The following TOP1 variants were observed in gnomAD, a reference collection of about 807,000 sequenced individuals.
TOP1 encodes the protein DNA topoisomerase 1.
TOP1 carries 10 observed loss-of-function variants against 111.1 expected under a neutral mutation model. The observed-to-expected ratio is 0.09, with a 90% CI of 0.06 to 0.15. TOP1 has a LOEUF of 0.15. Among genes scored for constraint, TOP1 ranks in the 10% least tolerant of loss-of-function variants. The probability of loss-of-function intolerance (pLI) is 1.00; values close to 1 mark genes in which losing one functional copy is unlikely to be tolerated. For synonymous variants in TOP1, 271 were observed against 302.9 expected (o/e 0.89, Z 1.10); for missense variants, 474 against 926.7 (o/e 0.51, Z 6.34).
At chr20:41,031,955 A>C (rs565975456) in intron 2 of TOP1, among the ~76,000 whole-genome samples, 1 of 152,330 alleles carries the variant, frequency 6.6e-6, no homozygotes, top group East Asian at 1.9e-4. Flanking sequence ...TTCTTTGTGA[A>C]TATTGTCTGG....
At chr20:41,060,315 G>A (rs2033529020) in intron 2 of TOP1, among the ~76,000 whole-genome samples, 2 of 152,170 alleles carry the variant, frequency 1.3e-5, no homozygotes, top group Admixed American at 6.5e-5. Flanking sequence ...ACACCACTCA[G>A]CAATAAAATG....
chr20:41,072,792 AAC>A, intron 3 of TOP1: 1 of 985,422 alleles, frequency 1.0e-6, no homozygotes, highest in Non-Finnish European at 1.2e-6. Context: ...CCAAATTTCT[AAC>A]AGTCTCCAAT....
chr20:41,110,898 T>C lies in TOP1; in HGVS notation c.1309-1884T>C, dbSNP rs2034226881. ...TTCTTGGAGGCCAGCCATCTCCTGC[T>C]GGATCTAAGCGGGGTGGCTTCTGCC... is the stretch of plus-strand genomic sequence containing the variant. On this transcript the variant is annotated intron_variant, in intron 13 of 20. Coordinates refer to ENST00000361337, the MANE Select transcript of TOP1 (RefSeq NM_003286.4). This position sits in a 1 kb window ranked among gnomAD's most constrained non-coding sequence, Gnocchi z 4.2. Among the ~76,000 whole-genome samples, 1 of 152,216 alleles carries C rather than the reference T, an allele frequency of 6.6e-6. No homozygotes were observed. The highest frequency in any genetic ancestry group is 6.5e-5 in the Admixed American group (1 of 15,282).
intron 7 of TOP1, among the ~76,000 whole-genome samples, chr20:41,084,213 C>A (rs191038875): frequency 7.2e-5 from 11 of 151,988 alleles, no homozygotes; most frequent in Non-Finnish European, 1.6e-4. Context: ...GTTTCCCAGT[C>A]TCTTCCCCTG....
intron 3 of TOP1, among the ~76,000 whole-genome samples, chr20:41,070,525 G>C (rs746376548): frequency 2.0e-5 from 3 of 152,210 alleles, no homozygotes; most frequent in Non-Finnish European, 4.4e-5. Flanking sequence ...TCTTTTCCCA[G>C]AGGCAACTTT....
chr20:41,051,185 T>C (rs2033401137), intron 2 of TOP1, among the ~76,000 whole-genome samples: 1 of 152,220 alleles, frequency 6.6e-6, no homozygotes, highest in Non-Finnish European at 1.5e-5. Context: ...TGTGTAACTA[T>C]GCCACACCTC....
chr20:41,049,908 ACAGGTC>A (rs1201416535), intron 2 of TOP1, among the ~76,000 whole-genome samples: 1 of 152,224 alleles, frequency 6.6e-6, no homozygotes. Flanking sequence ...TCAATGATGA[ACAGGTC>A]CATGACAAAA....
intron 7 of TOP1, among the ~76,000 whole-genome samples, chr20:41,084,065 A>G (rs2033818732): frequency 6.6e-6 from 1 of 152,168 alleles, no homozygotes; most frequent in South Asian, 2.1e-4. Context: ...TCTAATGCAA[A>G]GCCCCGTCTA....
At position 41,102,385 on chromosome 20, in the gene TOP1, G is replaced by A. The variant is rs558911581; in HGVS notation, c.1308+1032G>A. Among the ~76,000 whole-genome samples the A allele has an allele frequency of 5.8e-4, 88 of 152,286 alleles. 1 individual carries two copies. The highest frequency in any genetic ancestry group is 1.9e-3 in the African/African-American group (80 of 41,550). On this transcript the variant is annotated intron_variant, in intron 13 of 20. Transcript: ENST00000361337. This position sits in a 1 kb window ranked among gnomAD's most constrained non-coding sequence, Gnocchi z 4.0. ...AGCACTTTGGGAGGCCGAGATGGGC[G>A]GATCACCTGAGGTCAGGAGTTCGAG...
intron 2 of TOP1, among the ~76,000 whole-genome samples, chr20:41,060,189 T>G (rs1396528564): frequency 6.6e-6 from 1 of 152,198 alleles, no homozygotes; most frequent in Non-Finnish European, 1.5e-5. Flanking sequence ...TGAAAACATG[T>G]CTATAGAAAT....
In TOP1 at chr20:41,116,180, A is replaced by G; in HGVS notation, c.1708-98A>G. ...TCCCACTTGTAGGGCAATAAACTTG[A>G]CAAGATTGTGACTGCACTGGCATAA... is the stretch of plus-strand genomic sequence containing the variant. On this transcript the variant is annotated intron_variant, in intron 16 of 20. Coordinates refer to ENST00000361337, the MANE Select transcript of TOP1 (RefSeq NM_003286.4). This position sits in a 1 kb window ranked among gnomAD's most constrained non-coding sequence, Gnocchi z 5.6. 1 of 732,172 alleles carries G rather than the reference A, an allele frequency of 1.4e-6. No homozygotes were observed. The highest frequency in any genetic ancestry group is 2.3e-6 in the Non-Finnish European group (1 of 426,080). 45.4% of individuals were successfully genotyped at this position (732,172 alleles called of 1,614,324 possible).
chr20:41,086,220 G>A (rs1475950085), intron 8 of TOP1, among the ~76,000 whole-genome samples: 6 of 149,592 alleles, frequency 4.0e-5, no homozygotes, highest in Admixed American at 6.7e-5. Context: ...CTGAGATCAC[G>A]CCACCGCACT....
chr20:41,036,646 ATCT>A (rs2033189227), intron 2 of TOP1, among the ~76,000 whole-genome samples: 1 of 151,710 alleles, frequency 6.6e-6, no homozygotes, highest in Admixed American at 6.6e-5. Flanking sequence ...AAAGTTTTAA[ATCT>A]TCTTGACATT....
rs76985213 is a variant in TOP1, at chr20:41,051,611, C to T, written c.59-9783C>T. Among the ~76,000 whole-genome samples, 339 of 152,264 alleles carry T rather than the reference C, an allele frequency of 2.2e-3. 1 individual carries two copies. The highest frequency in any genetic ancestry group is 7.5e-3 in the African/African-American group (313 of 41,530). ...TGCTTCTGCATGGGGAATGCTATGG[C>T]GTTAACAGTGCCTTCCTTAAAACCT... On this transcript the variant is annotated intron_variant, in intron 2 of 20. Transcript: ENST00000361337.
intron 2 of TOP1, among the ~76,000 whole-genome samples, chr20:41,035,747 A>T (rs1436363629): frequency 6.6e-6 from 1 of 152,226 alleles, no homozygotes; most frequent in Non-Finnish European, 1.5e-5. Context: ...CACCAGAATA[A>T]TACACCCTTT....
rs1881082311 is a variant in TOP1 at position 41,080,031 on chromosome 20, T to C, written c.336-54T>C. 3 of 1,029,508 alleles carry C rather than the reference T, an allele frequency of 2.9e-6. No homozygotes were observed. In the African/African-American group the frequency reaches 4.8e-5, roughly 16 times the overall value. 63.8% of individuals were successfully genotyped at this position (1,029,508 alleles called of 1,614,324 possible). A position where few individuals can be genotyped will look rare whatever the true frequency, so the allele number is the denominator to read the frequency against. On this transcript the variant is annotated intron_variant, in intron 5 of 20. Transcript: ENST00000361337. The surrounding 1 kb of genome is among the most constrained non-coding windows in gnomAD (Gnocchi z 5.0). Reference sequence around the variant, plus strand: ...CGAAATGACATATTCCTTCTTTGTATTAATAGAATACAGATGTTCTAGCAC... The same window carrying C: ...CGAAATGACATATTCCTTCTTTGTACTAATAGAATACAGATGTTCTAGCAC...
In TOP1 at chr20:41,059,996, G is replaced by A. The variant is rs1037806576; in HGVS notation, c.59-1398G>A. On this transcript the variant is annotated intron_variant, in intron 2 of 20. Transcript: ENST00000361337. ...ACCACAGTGAGGTACCACTCCACAC[G>A]TGCTAGAATGGCTAAAATTAAAGAC... Among the ~76,000 whole-genome samples, 7 of 152,200 alleles carry A rather than the reference G, an allele frequency of 4.6e-5. No individual in the cohort carries two copies. In the East Asian group the frequency reaches 5.8e-4, roughly 13 times the overall value.
In TOP1 at chr20:41,083,674, A is replaced by C. The variant is rs1479056270; in HGVS notation, c.508-788A>C. ...ATAAAACTTGTTGAATAAAGACTGAATAAGTAGTTAAATTATGTTGAATAG... is the reference window on the plus strand; with the variant it reads ...ATAAAACTTGTTGAATAAAGACTGACTAAGTAGTTAAATTATGTTGAATAG... On this transcript the variant is annotated intron_variant, in intron 7 of 20. Coordinates refer to ENST00000361337, the MANE Select transcript of TOP1 (RefSeq NM_003286.4). The surrounding 1 kb of genome is among the most constrained non-coding windows in gnomAD (Gnocchi z 7.2). Among the ~76,000 whole-genome samples the C allele has an allele frequency of 3.9e-5, 6 of 152,222 alleles. No individual in the cohort carries two copies. Among genetic ancestry groups the C allele is most frequent in the Non-Finnish European group, 8.8e-5 (6 of 68,034 alleles).
At chr20:41,076,919 C>T (rs2033734050) in intron 4 of TOP1, among the ~76,000 whole-genome samples, 1 of 152,066 alleles carries the variant, frequency 6.6e-6, no homozygotes, top group African/African-American at 2.4e-5. Context: ...TCCATAGATA[C>T]TCTGTATATC....
Sources: gnomAD v4.1 joint callset for allele counts (sites outside exome capture counted in the v4.1 genomes callset) on GRCh38, gnomAD v4.1.1 for gene constraint, Gnocchi (gnomAD v3.1) non-coding constraint, MANE v1.5 for transcripts, NCBI Gene and HGNC (gene_info 2026-07-23, HGNC 2026-07-21) for gene names.